Variants in IL34 observed in about 807,000 individuals in gnomAD.
IL34 encodes the protein interleukin-34.
Under a neutral mutation model 25.3 loss-of-function variants are expected in IL34, and 17 were observed. The ratio of observed to expected loss-of-function variants is 0.67; its 90% CI spans 0.46 to 1.01. The LOEUF (loss-of-function observed/expected upper bound fraction) is 1.01, where lower values mean the gene tolerates loss of function less well. Ranked by LOEUF, IL34 falls within the 50% of genes least tolerant of loss-of-function variation. The pLI is 0.00. For missense variants in IL34, 368 were observed against 312.9 expected (o/e 1.18, Z -1.33); for synonymous variants, 174 against 140.9 (o/e 1.23, Z -1.66).
chr16:70,586,649 CGTG>C (rs1473014998), intron 1 of IL34, among the ~76,000 whole-genome samples: 2 of 152,132 alleles, frequency 1.3e-5, no homozygotes, highest in Non-Finnish European at 2.9e-5. Context: ...GGCAGAGTGG[CGTG>C]GGGTAGATGT....
intron 1 of IL34, among the ~76,000 whole-genome samples, chr16:70,600,935 G>A (rs1242761028): frequency 6.2e-5 from 9 of 146,224 alleles, no homozygotes; most frequent in Non-Finnish European, 2.9e-5. Context: ...GCAGAAGCAG[G>A]GCTGCTGGGA....
Position 70,654,648 on chromosome 16 carries a change from T to G in IL34, c.139T>G (p.Tyr47Asp). 1 of 1,611,346 alleles carries G rather than the reference T, an allele frequency of 6.2e-7. No homozygotes were observed. The highest frequency in any genetic ancestry group is 8.5e-7 in the Non-Finnish European group (1 of 1,177,980). Residue 47 changes from tyrosine (Y) to aspartate (D), a missense_variant, in exon 2 of 6, where the codon TAC becomes GAC. Tyr to Asp is a radical substitution (Grantham distance 160, BLOSUM62 -3). Transcript: ENST00000288098. ...VTGFLRDKLQ[Y>D]RSRLQYMKHY... ...GGGTTTTCTGCGGGACAAGCTGCAG[T>G]ACAGGAGCCGACTTCAGTACATGGT...
chr16:70,647,687 C>A (rs2051974432), intron 1 of IL34, among the ~76,000 whole-genome samples: 1 of 152,188 alleles, frequency 6.6e-6, no homozygotes, highest in African/African-American at 2.4e-5. Context: ...TGTCTCGTGC[C>A]TCTGTCTCCA....
At chr16:70,645,994 A>G (rs1346658311), upstream of IL34, among the ~76,000 whole-genome samples, 2 of 152,322 alleles carry the variant, frequency 1.3e-5, no homozygotes, top group African/African-American at 4.8e-5. Flanking sequence ...TGGAGGCTGC[A>G]GTGAGCCAAA....
At chr16:70,632,358 G>T (rs1458263697) in intron 1 of IL34, among the ~76,000 whole-genome samples, 3 of 152,154 alleles carry the variant, frequency 2.0e-5, no homozygotes, top group African/African-American at 4.8e-5. Context: ...CTGTTCTCAA[G>T]GTCTAGGCTT....
chr16:70,639,995 A>G (rs1467383017), intron 1 of IL34, among the ~76,000 whole-genome samples: 2 of 152,116 alleles, frequency 1.3e-5, no homozygotes, highest in East Asian at 3.9e-4. Flanking sequence ...GAAGTGGACC[A>G]TGGATCTGCA....
upstream of IL34, among the ~76,000 whole-genome samples, chr16:70,645,782 G>A (rs1020331629): frequency 4.6e-5 from 7 of 152,124 alleles, no homozygotes; most frequent in African/African-American, 1.2e-4. Context: ...GGCCGGGTGC[G>A]GTGGCTCACG....
upstream of IL34, among the ~76,000 whole-genome samples, chr16:70,645,791 C>T (rs1003212548): frequency 1.3e-5 from 2 of 152,150 alleles, no homozygotes; most frequent in South Asian, 2.1e-4. Flanking sequence ...CGGTGGCTCA[C>T]GCCTGTAATC....
chr16:70,600,804 T>C (rs1301029424), intron 1 of IL34, among the ~76,000 whole-genome samples: 2 of 151,186 alleles, frequency 1.3e-5, no homozygotes, highest in East Asian at 3.9e-4. Flanking sequence ...GAGATGGGGA[T>C]GCTGGGAGAA....
chr16:70,597,284 G>A (rs1006216001), intron 1 of IL34, among the ~76,000 whole-genome samples: 3 of 151,594 alleles, frequency 2.0e-5, no homozygotes, highest in East Asian at 1.9e-4. Flanking sequence ...CCAGTGGCAC[G>A]ATCATGGCTC....
At chr16:70,626,541 C>T (rs939138408) in intron 1 of IL34, among the ~76,000 whole-genome samples, 2 of 152,174 alleles carry the variant, frequency 1.3e-5, no homozygotes, top group South Asian at 2.1e-4. Context: ...GGATTACAGG[C>T]ATGCGCCACC....
In IL34 at chr16:70,646,924, C is replaced by T; in HGVS notation, c.-24C>T. The T allele has an allele frequency of 6.8e-7, 1 of 1,480,184 alleles. No individual in the cohort carries two copies. 91.7% of individuals were successfully genotyped at this position (1,480,184 alleles called of 1,614,324 possible). ...CACTGCTGGGGACGGCGCCTGAGCT[C>T]TCAGGGGGACGAGGAACACCACCAT... is the stretch of plus-strand genomic sequence containing the variant. On this transcript the variant is annotated 5_prime_UTR_variant, in exon 1 of 6. Transcript: ENST00000288098.
intron 1 of IL34, among the ~76,000 whole-genome samples, chr16:70,583,102 G>C (rs1337302920): frequency 6.6e-6 from 1 of 152,030 alleles, no homozygotes; most frequent in Non-Finnish European, 1.5e-5. Flanking sequence ...ATGACAAGGA[G>C]TTTTTTGTTG....
At chr16:70,636,500 G>A (rs2051647930) in intron 1 of IL34, among the ~76,000 whole-genome samples, 1 of 151,948 alleles carries the variant, frequency 6.6e-6, no homozygotes, top group South Asian at 2.1e-4. Context: ...CTGACATAGT[G>A]TCGTGGCTCA....
At chr16:70,631,872 T>C (rs1414969515) in intron 1 of IL34, among the ~76,000 whole-genome samples, 28 of 151,982 alleles carry the variant, frequency 1.8e-4, no homozygotes, top group Non-Finnish European at 8.8e-5. Flanking sequence ...GATAATAATA[T>C]TGATCCCAGG....
At chr16:70,607,270 T>A (rs2051020897) in intron 1 of IL34, among the ~76,000 whole-genome samples, 1 of 151,878 alleles carries the variant, frequency 6.6e-6, no homozygotes, top group Non-Finnish European at 1.5e-5. Flanking sequence ...CCCAGCTAAT[T>A]TTTTTGTATT....
intron 1 of IL34, among the ~76,000 whole-genome samples, chr16:70,585,431 G>A (rs1432571202): frequency 2.0e-5 from 3 of 152,096 alleles, no homozygotes; most frequent in East Asian, 2.0e-4. Flanking sequence ...GGTGGCTCAC[G>A]CCTGTAATCC....
intron 5 of IL34, 118 bp downstream of exon 5, chr16:70,659,871 A>G (rs183728286): frequency 1.0e-5 from 15 of 1,487,432 alleles, no homozygotes; most frequent in Non-Finnish European, 1.4e-5. Context: ...CGGGGCTACA[A>G]GCCATTTCTG....
chr16:70,642,578 G>A (rs1043229451), upstream of IL34, among the ~76,000 whole-genome samples: 7 of 152,118 alleles, frequency 4.6e-5, no homozygotes, highest in African/African-American at 1.7e-4. Flanking sequence ...TTACAGGCGT[G>A]AGCCACTGAG....
Sources: gnomAD v4.1 joint callset for allele counts (sites outside exome capture counted in the v4.1 genomes callset) on GRCh38, gnomAD v4.1.1 for gene constraint, MANE v1.5 for transcripts, NCBI Gene and HGNC (gene_info 2026-07-23, HGNC 2026-07-21) for gene names.